Variants in ZNF236 observed in about 807,000 individuals in gnomAD.
The protein encoded by ZNF236 is zinc finger protein 236.
A neutral mutation model predicts 191.2 loss-of-function variants in ZNF236; 50 were observed. The ratio of observed to expected loss-of-function variants is 0.26; its 90% CI spans 0.21 to 0.33. ZNF236 has a LOEUF of 0.33. Among genes scored for constraint, ZNF236 ranks in the 10% least tolerant of loss-of-function variants. The probability of loss-of-function intolerance (pLI) is 1.00; values close to 1 mark genes in which losing one functional copy is unlikely to be tolerated. For missense variants in ZNF236, 1,754 were observed against 2,374.5 expected (o/e 0.74, Z 5.43); for synonymous variants, 907 against 928.8 (o/e 0.98, Z 0.43).
chr18:76,919,738 CA>C lies in ZNF236; in HGVS notation c.3275-37del. 1 of 1,600,570 alleles carries C rather than the reference CA, an allele frequency of 6.2e-7. No individual in the cohort carries two copies. Among genetic ancestry groups the C allele is most frequent in the Non-Finnish European group, 8.5e-7 (1 of 1,169,888 alleles). On this transcript the variant is annotated intron_variant, in intron 19 of 30. Coordinates refer to ENST00000320610, the MANE Select transcript of ZNF236 (RefSeq NM_001306089.2). This position sits in a 1 kb window ranked among gnomAD's most constrained non-coding sequence, Gnocchi z 5.3. ...TTTTGCTAAAAACCTAGGTTTTCTT[CA>C]TTACGATTTTGATCCCTTTTCCTTG...
At chr18:76,954,560 G>A (rs1968478634) in intron 27 of ZNF236, among the ~76,000 whole-genome samples, 1 of 152,170 alleles carries the variant, frequency 6.6e-6, no homozygotes, top group African/African-American at 2.4e-5. Context: ...ATGTGTTTCT[G>A]TCATTTTTCT....
At chr18:76,904,838 A>C (rs1220225460) in intron 12 of ZNF236, among the ~76,000 whole-genome samples, 2 of 152,236 alleles carry the variant, frequency 1.3e-5, no homozygotes, top group African/African-American at 4.8e-5. Context: ...AGTTTAGATT[A>C]ATTCTTAGTG....
At chr18:76,845,785 G>T (rs777583511) in intron 1 of ZNF236, among the ~76,000 whole-genome samples, 5 of 152,014 alleles carry the variant, frequency 3.3e-5, no homozygotes, top group African/African-American at 4.8e-5. Context: ...GGAGGTGAAG[G>T]TTGCAGTGAG....
chr18:76,822,621 G>GC lies in ZNF236; in HGVS notation c.20dup (p.Lys8GlufsTer23). The GC allele has an allele frequency of 6.7e-6, 1 of 150,172 alleles. No individual in the cohort carries two copies. Among genetic ancestry groups the GC allele is most frequent in the Non-Finnish European group, 1.5e-5 (1 of 68,286 alleles). 9.3% of individuals were successfully genotyped at this position (150,172 alleles called of 1,614,324 possible). ...GGGCCGCCGACGATGCCGCGGGGCC[G>GC]CCCCCCGAAGCCCAGGGAGAGCAAG... On this transcript the variant is annotated frameshift_variant, in exon 1 of 31. Transcript: ENST00000320610. LOFTEE classifies it high-confidence loss of function.
At chr18:76,871,032 A>G (rs537234529) in intron 4 of ZNF236, among the ~76,000 whole-genome samples, 26 of 152,292 alleles carry the variant, frequency 1.7e-4, no homozygotes, top group African/African-American at 5.3e-4. Flanking sequence ...TGAGGCCGCA[A>G]TGGTGGCTAG....
intron 3 of ZNF236, among the ~76,000 whole-genome samples, chr18:76,854,425 G>C (rs2122530046): frequency 6.6e-6 from 1 of 151,828 alleles, no homozygotes; most frequent in African/African-American, 2.4e-5. Context: ...CATCATCAAA[G>C]TTATCACTCA....
rs1271077905 is a variant in ZNF236, at chr18:76,875,313, C to T, written c.668-179C>T. On this transcript the variant is annotated intron_variant, in intron 5 of 30. Coordinates refer to ENST00000320610, the MANE Select transcript of ZNF236 (RefSeq NM_001306089.2). The surrounding 1 kb of genome is among the most constrained non-coding windows in gnomAD (Gnocchi z 4.3). ...GAGCAGTTTGCGAGATGGTCAAGTGCAGTTTTGACATGTTAATTTTGAGAT... is the reference window on the plus strand; with the variant it reads ...GAGCAGTTTGCGAGATGGTCAAGTGTAGTTTTGACATGTTAATTTTGAGAT... Among the ~76,000 whole-genome samples, 4 of 152,228 alleles carry T rather than the reference C, an allele frequency of 2.6e-5. No individual in the cohort carries two copies. The highest frequency in any genetic ancestry group is 9.6e-5 in the African/African-American group (4 of 41,524).
At position 76,910,186 on chromosome 18, in the gene ZNF236, C is replaced by T; in HGVS notation, c.2653+17C>T. ...TACCCCAAGGTCAGTGGTGGGTTTTCAATGAAATTTGTAAGTGAGCTATAC... is the reference window on the plus strand; with the variant it reads ...TACCCCAAGGTCAGTGGTGGGTTTTTAATGAAATTTGTAAGTGAGCTATAC... On this transcript the variant is annotated intron_variant, in intron 15 of 30. Coordinates refer to ENST00000320610, the MANE Select transcript of ZNF236 (RefSeq NM_001306089.2). 1 of 1,599,674 alleles carries T rather than the reference C, an allele frequency of 6.3e-7. No individual in the cohort carries two copies. Among genetic ancestry groups the T allele is most frequent in the Non-Finnish European group, 8.6e-7 (1 of 1,168,524 alleles).
chr18:76,908,516 A>G lies in ZNF236; in HGVS notation c.2494A>G (p.Thr832Ala). Reference protein sequence around the residue: ...LDLEPQHVVGTEEAGLGQQLA... With the variant: ...LDLEPQHVVGAEEAGLGQQLA... ...CCTGGAGCCTCAGCATGTGGTGGGC[A>G]CGGAGGAAGCAGGGCTGGGCCAGCA... Residue 832 changes from threonine (T) to alanine (A), a missense_variant, in exon 14 of 31, where the codon ACG (threonine) becomes GCG (alanine). Transcript: ENST00000320610. The G allele has an allele frequency of 6.2e-7, 1 of 1,613,842 alleles. No individual in the cohort carries two copies. Among genetic ancestry groups the G allele is most frequent in the South Asian group, 1.1e-5 (1 of 91,082 alleles).
In ZNF236 at chr18:76,956,293, C is replaced by T. The variant is rs566481373; in HGVS notation, c.5112+111C>T. The T allele has an allele frequency of 1.4e-4, 186 of 1,340,006 alleles. 2 individuals are homozygous for T. In the South Asian group the frequency reaches 2.0e-3, roughly 15 times the overall value. 83.0% of individuals were successfully genotyped at this position (1,340,006 alleles called of 1,614,324 possible). A position where few individuals can be genotyped will look rare whatever the true frequency, so the allele number is the denominator to read the frequency against. On this transcript the variant is annotated intron_variant, in intron 28 of 30. Coordinates refer to ENST00000320610, the MANE Select transcript of ZNF236 (RefSeq NM_001306089.2). ...TGGCATGTGTTTTTGAGGAAAAGGC[C>T]GGTTTTTGAGGAAAAGGTCACTAGA...
At chr18:76,902,237 T>G (rs1372640984) in intron 11 of ZNF236, among the ~76,000 whole-genome samples, 3 of 152,160 alleles carry the variant, frequency 2.0e-5, no homozygotes, top group African/African-American at 7.2e-5. Flanking sequence ...TTATTTGTAT[T>G]TGTGTTCATC....
At chr18:76,868,981 A>C in intron 4 of ZNF236, 118 bp downstream of exon 4, 1 of 977,694 alleles carries the variant, frequency 1.0e-6, no homozygotes. Flanking sequence ...GGAACCCCAC[A>C]GATAATTTGG....
chr18:76,913,291 G>T (rs1967266448), intron 17 of ZNF236, among the ~76,000 whole-genome samples: 1 of 152,098 alleles, frequency 6.6e-6, no homozygotes, highest in South Asian at 2.1e-4. Flanking sequence ...ACTCTGTTTT[G>T]TATTTTGTAA....
Position 76,960,648 on chromosome 18 carries a change from G to A in ZNF236, c.5243-31G>A. The A allele has an allele frequency of 6.2e-7, 1 of 1,613,750 alleles. No homozygotes were observed. The highest frequency in any genetic ancestry group is 2.2e-5 in the East Asian group (1 of 44,890). Reference sequence around the variant, plus strand: ...CCAGGCATCCACTATACTTTTCTTAGAGACATTGACATATGCCATTTTCTG... The same window carrying A: ...CCAGGCATCCACTATACTTTTCTTAAAGACATTGACATATGCCATTTTCTG... On this transcript the variant is annotated intron_variant, in intron 29 of 30. Transcript: ENST00000320610. This position sits in a 1 kb window ranked among gnomAD's most constrained non-coding sequence, Gnocchi z 4.4.
In ZNF236 at chr18:76,908,469, C is replaced by T. The variant is rs370919934; in HGVS notation, c.2447C>T (p.Ala816Val). 7.4e-6 allele frequency: 12 copies of T among 1,614,028 alleles called. No individual in the cohort carries two copies. Among genetic ancestry groups the T allele is most frequent in the Admixed American group, 5.0e-5 (3 of 60,008 alleles). ...CCGCAGACGGCAGAGGTGGTCGCAG[C>T]GAACCCCGAGGCCATGCTGGACCTG... is the stretch of plus-strand genomic sequence containing the variant. ...ELPQTAEVVAANPEAMLDLEP... is the reference protein window; with the variant it reads ...ELPQTAEVVAVNPEAMLDLEP... The change falls in exon 14 of 31, where the codon GCG becomes GTG. Residue 816 changes from alanine (A) to valine (V), a missense_variant. This residue lies in a region of ZNF236 where 641 missense variants were observed against 869.6 expected (regional missense o/e 0.74). Transcript: ENST00000320610.
intron 30 of ZNF236, among the ~76,000 whole-genome samples, chr18:76,961,634 T>G (rs1968670534): frequency 6.6e-6 from 1 of 152,184 alleles, no homozygotes; most frequent in African/African-American, 2.4e-5. Flanking sequence ...TTAAGGAATC[T>G]CTACACTGTT....
At chr18:76,868,403 C>T (rs183635382) in intron 3 of ZNF236, among the ~76,000 whole-genome samples, 102 of 152,312 alleles carry the variant, frequency 6.7e-4, no homozygotes, top group Non-Finnish European at 1.4e-3. Flanking sequence ...AACACCACTT[C>T]GAAGCAGAAC....
Position 76,937,301 on chromosome 18 carries a change from A to C in ZNF236, c.4740A>C (p.Leu1580=), listed in dbSNP as rs765001568. Residue 1580 remains leucine (L), a synonymous_variant, in exon 26 of 31, where the codon CTA becomes CTC. Transcript: ENST00000320610. The part of the protein sequence containing the change: ...TLTLADTQGM[L]SGGLDTVTLN... The stretch of plus-strand genomic sequence containing the variant: ...CGCTGGCCGATACTCAGGGTATGCT[A>C]TCTGGAGGCCTGGACACTGTCACAC... 5.0e-6 allele frequency: 8 copies of C among 1,613,890 alleles called. No individual in the cohort carries two copies. The South Asian group carries it at 6.6e-5, about 13-fold the overall frequency.
At chr18:76,831,803 G>A (rs1022120951) in intron 1 of ZNF236, among the ~76,000 whole-genome samples, 2 of 152,102 alleles carry the variant, frequency 1.3e-5, no homozygotes, top group Admixed American at 6.5e-5. Flanking sequence ...AACATACGAT[G>A]TTGAGCATCT....
Sources: allele counts gnomAD v4.1 joint callset (sites outside exome capture counted in the v4.1 genomes callset), GRCh38; gene constraint gnomAD v4.1.1; regional missense constraint gnomAD v4.1.1; non-coding constraint Gnocchi (gnomAD v3.1); transcripts MANE v1.5; gene names NCBI Gene and HGNC (gene_info 2026-07-23, HGNC 2026-07-21).